GRM3: variants seen among roughly 807,000 people sequenced by gnomAD.
The protein encoded by GRM3 is metabotropic glutamate receptor 3.
GRM3 carries 26 observed loss-of-function variants against 70.5 expected under a neutral mutation model. That is an observed-to-expected ratio of 0.37 (90% CI 0.27 to 0.51). The LOEUF (loss-of-function observed/expected upper bound fraction) is 0.51, where lower values mean the gene tolerates loss of function less well. Among genes scored for constraint, GRM3 ranks in the 20% least tolerant of loss-of-function variants. GRM3 has a pLI of 0.93. For missense variants in GRM3, 859 were observed against 1,123.8 expected, an observed-to-expected ratio of 0.76 and a Z score of 3.37; for synonymous variants, 443 against 434.9, an observed-to-expected ratio of 1.02 and a Z score of -0.23.
chr7:86,786,144 C>G lies in GRM3; in HGVS notation c.469-117C>G. On this transcript the variant is annotated intron_variant, in intron 2 of 5. Transcript: ENST00000361669. The surrounding 1 kb of genome is among the most constrained non-coding windows in gnomAD (Gnocchi z 6.0). ...CTCAAGAACTAACAGAAAAATGTAG[C>G]CATCTAGAGTAGAGGGAAAAGGGAG... The G allele has an allele frequency of 2.4e-6, 2 of 832,086 alleles. No individual in the cohort carries two copies. The highest frequency in any genetic ancestry group is 3.3e-5 in the South Asian group (2 of 60,378). 51.5% of individuals were successfully genotyped at this position (832,086 alleles called of 1,614,324 possible). A position where few individuals can be genotyped will look rare whatever the true frequency, so the allele number is the denominator to read the frequency against.
intron 3 of GRM3, among the ~76,000 whole-genome samples, chr7:86,822,922 T>C (rs1005092529): frequency 3.3e-5 from 5 of 152,218 alleles, no homozygotes; most frequent in African/African-American, 9.6e-5. Flanking sequence ...TTATATTGCA[T>C]AATTTTTGTC....
At chr7:86,661,538 T>G (rs1000954167) in intron 1 of GRM3, among the ~76,000 whole-genome samples, 2 of 151,888 alleles carry the variant, frequency 1.3e-5, no homozygotes, top group Non-Finnish European at 2.9e-5. Context: ...TTTTAAAAAT[T>G]TACAAAGTAC....
At chr7:86,718,360 T>TTTATTA (rs1211704320) in intron 1 of GRM3, among the ~76,000 whole-genome samples, 1 of 152,022 alleles carries the variant, frequency 6.6e-6, no homozygotes, top group Admixed American at 6.6e-5. Context: ...TGCTTTCAGA[T>TTTATTA]TTATTATAAT....
At position 86,811,434 on chromosome 7, in the gene GRM3, C is replaced by T. The variant is rs192659938; in HGVS notation, c.1324+24318C>T. On this transcript the variant is annotated intron_variant, in intron 3 of 5. Coordinates refer to ENST00000361669, the MANE Select transcript of GRM3 (RefSeq NM_000840.3). ...CATCCTAGGTGTATGATTTTCCTTT[C>T]CTGCAATGTTTCCACTCACCAGGAA... 2.6e-3 allele frequency among the ~76,000 whole-genome samples: 388 copies of T among 151,884 alleles called. 4 individuals are homozygous for T. The highest frequency in any genetic ancestry group is 5.6e-3 in the Admixed American group (85 of 15,224).
rs573127772 is a variant in GRM3 at position 86,644,287 on chromosome 7, T to C, written c.-726T>C. On this transcript the variant is annotated 5_prime_UTR_variant, in exon 1 of 6. Coordinates refer to ENST00000361669, the MANE Select transcript of GRM3 (RefSeq NM_000840.3). ...TGGCTCACTGAAGACTCTGCAGATA[T>C]ACCCTTATAAGAGGGAGGGTGGGGG... 1.1e-4 allele frequency: 27 copies of C among 249,898 alleles called. No individual in the cohort carries two copies. In the East Asian group the frequency reaches 2.9e-3, roughly 27 times the overall value. The allele number at this position is 249,898 out of a possible 1,614,324, so 15.5% of individuals were successfully genotyped here.
chr7:86,675,051 G>A (rs1794272334), intron 1 of GRM3, among the ~76,000 whole-genome samples: 1 of 151,942 alleles, frequency 6.6e-6, no homozygotes. Flanking sequence ...TATACAAACT[G>A]GCTGTAAGCT....
intron 3 of GRM3, among the ~76,000 whole-genome samples, chr7:86,797,105 G>A (rs1270880451): frequency 6.6e-6 from 1 of 152,112 alleles, no homozygotes; most frequent in African/African-American, 2.4e-5. Flanking sequence ...TTAACCGAGT[G>A]AAAATGAATT....
At chr7:86,648,789 A>T (rs1482348458) in intron 1 of GRM3, among the ~76,000 whole-genome samples, 3 of 152,158 alleles carry the variant, frequency 2.0e-5, no homozygotes, top group East Asian at 3.8e-4. Context: ...GTTCCAAGAC[A>T]TCCGTGTGTA....
intron 1 of GRM3, among the ~76,000 whole-genome samples, chr7:86,693,733 G>T (rs1794747304): frequency 7.0e-6 from 1 of 142,502 alleles, no homozygotes. Context: ...GAGAGCTAGA[G>T]CCGAGCCGCT....
Position 86,765,017 on chromosome 7 carries a change from C to T in GRM3, c.-129C>T, listed in dbSNP as rs533645712. 1.3e-5 allele frequency: 19 copies of T among 1,468,928 alleles called. 1 individual carries two copies. In the South Asian group the frequency reaches 2.8e-4, roughly 21 times the overall value. The allele number at this position is 1,468,928 out of a possible 1,614,324, so 91.0% of individuals were successfully genotyped here. ...TTTTATCTCTTTAGGAATTTTGTGA[C>T]AGGCTCTGTTAGTCTGTTCCTCCCT... On this transcript the variant is annotated 5_prime_UTR_variant, in exon 2 of 6. Coordinates refer to ENST00000361669, the MANE Select transcript of GRM3 (RefSeq NM_000840.3).
chr7:86,725,422 C>T (rs964895005), intron 1 of GRM3, among the ~76,000 whole-genome samples: 2 of 152,144 alleles, frequency 1.3e-5, no homozygotes, highest in Non-Finnish European at 2.9e-5. Context: ...TGATGTGATA[C>T]CTCAAGGCTT....
rs759280160 is a variant in GRM3 at position 86,667,926 on chromosome 7, G to A, written c.-141+23054G>A. On this transcript the variant is annotated intron_variant, in intron 1 of 5. Coordinates refer to ENST00000361669, the MANE Select transcript of GRM3 (RefSeq NM_000840.3). The stretch of plus-strand genomic sequence containing the variant: ...ACAGAAGGCTCTTTAAGCAGACACC[G>A]GAGGGAGCCAAACTGTTGACTTAAA... Among the ~76,000 whole-genome samples, 8 of 152,064 alleles carry A rather than the reference G, an allele frequency of 5.3e-5. No individual in the cohort carries two copies. In the East Asian group the frequency reaches 5.8e-4, roughly 11 times the overall value.
At chr7:86,753,895 A>G (rs2116370390) in intron 1 of GRM3, among the ~76,000 whole-genome samples, 1 of 152,190 alleles carries the variant, frequency 6.6e-6, no homozygotes, top group South Asian at 2.1e-4. Flanking sequence ...ACCACGGCCA[A>G]TTTTAAGGTG....
chr7:86,678,050 G>A lies in GRM3; in HGVS notation c.-141+33178G>A, dbSNP rs117745889. Among the ~76,000 whole-genome samples the A allele has an allele frequency of 8.8e-3, 1,333 of 151,806 alleles. 7 individuals are homozygous for A. Among genetic ancestry groups the A allele is most frequent in the Non-Finnish European group, 0.014 (940 of 67,862 alleles). On this transcript the variant is annotated intron_variant, in intron 1 of 5. Transcript: ENST00000361669. ...TTCTATAAAAATATTGGATGTCATG[G>A]GAAAAAATCTTACAAAGTAAAACTT...
rs192786762 is a variant in GRM3 at position 86,704,212 on chromosome 7, C to T, written c.-141+59340C>T. Reference sequence around the variant, plus strand: ...TCTCATTTCTTCATTGGCATTCAAACAGTTTTAAACTAAGTCTCTTCTTTA... The same window carrying T: ...TCTCATTTCTTCATTGGCATTCAAATAGTTTTAAACTAAGTCTCTTCTTTA... On this transcript the variant is annotated intron_variant, in intron 1 of 5. Coordinates refer to ENST00000361669, the MANE Select transcript of GRM3 (RefSeq NM_000840.3). Among the ~76,000 whole-genome samples the T allele has an allele frequency of 1.4e-4, 21 of 151,968 alleles. 1 individual carries two copies. Among genetic ancestry groups the T allele is most frequent in the Admixed American group, 1.3e-3 (20 of 15,230 alleles).
chr7:86,681,293 A>T (rs2115965501), intron 1 of GRM3, among the ~76,000 whole-genome samples: 1 of 152,288 alleles, frequency 6.6e-6, no homozygotes, highest in Middle Eastern at 3.4e-3. Context: ...CCCACAATTC[A>T]GTGTCTCAGA....
intron 5 of GRM3, among the ~76,000 whole-genome samples, chr7:86,854,095 C>G (rs1328950721): frequency 1.3e-5 from 2 of 152,156 alleles, no homozygotes; most frequent in Non-Finnish European, 2.9e-5. Flanking sequence ...CTCAAAGAGT[C>G]TGTGATTATT....
intron 4 of GRM3, among the ~76,000 whole-genome samples, chr7:86,844,644 G>A (rs1798619275): frequency 6.6e-6 from 1 of 152,142 alleles, no homozygotes. Context: ...GTTGAGGTGG[G>A]TACTGGGGTC....
chr7:86,661,633 T>G (rs1343421427), intron 1 of GRM3, among the ~76,000 whole-genome samples: 1 of 152,002 alleles, frequency 6.6e-6, no homozygotes, highest in Non-Finnish European at 1.5e-5. Flanking sequence ...AAGCAAAGCA[T>G]TCTTGGATAA....
Sources: allele counts gnomAD v4.1 joint callset (sites outside exome capture counted in the v4.1 genomes callset), GRCh38; gene constraint gnomAD v4.1.1; non-coding constraint Gnocchi (gnomAD v3.1); transcripts MANE v1.5; gene names NCBI Gene and HGNC (gene_info 2026-07-23, HGNC 2026-07-21).